GRM7: variants seen among roughly 807,000 people sequenced by gnomAD.
GRM7 encodes glutamate metabotropic receptor 7.
Under a neutral mutation model 84.5 loss-of-function variants are expected in GRM7, and 35 were observed. That is an observed-to-expected ratio of 0.41 (90% confidence interval 0.32 to 0.55). The LOEUF (loss-of-function observed/expected upper bound fraction) is 0.55. Ranked by LOEUF, GRM7 falls within the 20% of genes least tolerant of loss-of-function variation. The probability of loss-of-function intolerance (pLI) is 0.19; values close to 1 mark genes in which losing one functional copy is unlikely to be tolerated. For synonymous variants in GRM7, 487 were observed against 455.1 expected (o/e 1.07, Z -0.89); for missense variants, 1,003 against 1,194.6 (o/e 0.84, Z 2.36).
In GRM7 at chr3:7,439,098, A is replaced by G. The variant is rs539801420; in HGVS notation, c.1175-13509A>G. The stretch of plus-strand genomic sequence containing the variant: ...AAGGAGTGAGTGTGAGAAGGAAAAT[A>G]TGGATCCCAAACCCTGAGACTCATA... On this transcript the variant is annotated intron_variant, in intron 5 of 9. Transcript: ENST00000357716. 6.6e-5 allele frequency among the ~76,000 whole-genome samples: 10 copies of G among 152,288 alleles called. No homozygotes were observed. The South Asian group carries it at 2.1e-3, about 32-fold the overall frequency.
intron 7 of GRM7, among the ~76,000 whole-genome samples, chr3:7,481,670 T>C (rs1374502202): frequency 6.6e-6 from 1 of 152,178 alleles, no homozygotes; most frequent in African/African-American, 2.4e-5. Flanking sequence ...CATTTTATGA[T>C]AATTTGGGGG....
intron 1 of GRM7, among the ~76,000 whole-genome samples, chr3:7,025,342 T>G (rs936844601): frequency 1.3e-5 from 2 of 152,208 alleles, no homozygotes; most frequent in Non-Finnish European, 2.9e-5. Context: ...GAAGCATTAT[T>G]CTGTCCGCCA....
At chr3:7,586,828 T>C (rs80069257) in intron 8 of GRM7, among the ~76,000 whole-genome samples, 4,681 of 152,236 alleles carry the variant, frequency 0.031, 191 homozygotes, top group East Asian at 0.099. Context: ...CAATGGACCA[T>C]TGATGCATTG....
intron 9 of GRM7, among the ~76,000 whole-genome samples, chr3:7,716,103 A>T (rs1284300344): frequency 6.6e-6 from 1 of 152,168 alleles, no homozygotes; most frequent in Non-Finnish European, 1.5e-5. Flanking sequence ...AAAACCCAAC[A>T]TCTAATTCAA....
intron 9 of GRM7, among the ~76,000 whole-genome samples, chr3:7,713,119 G>GTTTT (rs1553640882): frequency 1.1e-4 from 6 of 55,636 alleles, no homozygotes; most frequent in Non-Finnish European, 1.1e-4. Flanking sequence ...TTCGAATTTT[G>GTTTT]TTTTGTTTTT....
intron 7 of GRM7, among the ~76,000 whole-genome samples, chr3:7,576,070 T>C (rs1396060910): frequency 6.6e-6 from 1 of 152,214 alleles, no homozygotes; most frequent in African/African-American, 2.4e-5. Flanking sequence ...GTATTTATTT[T>C]TGTTGTTGTT....
intron 7 of GRM7, among the ~76,000 whole-genome samples, chr3:7,578,189 C>G (rs749467639): frequency 6.6e-6 from 1 of 152,058 alleles, no homozygotes; most frequent in Non-Finnish European, 1.5e-5. Flanking sequence ...TGTATTGCCT[C>G]AGGGAATTCT....
intron 1 of GRM7, among the ~76,000 whole-genome samples, chr3:6,871,945 A>G (rs1405043695): frequency 6.6e-6 from 1 of 152,120 alleles, no homozygotes; most frequent in Non-Finnish European, 1.5e-5. Flanking sequence ...TCCCCAAACC[A>G]TTGAGGCATC....
chr3:7,345,065 A>G (rs1692828042), intron 4 of GRM7, among the ~76,000 whole-genome samples: 1 of 152,112 alleles, frequency 6.6e-6, no homozygotes, highest in South Asian at 2.1e-4. Flanking sequence ...AATTAAAACT[A>G]ATTTTTAAAT....
At chr3:7,683,894 G>A (rs748255066) in intron 9 of GRM7, among the ~76,000 whole-genome samples, 2 of 151,822 alleles carry the variant, frequency 1.3e-5, no homozygotes, top group Non-Finnish European at 2.9e-5. Context: ...ATTGGATATA[G>A]CTCCCAAAGT....
At chr3:6,927,463 G>GAGAGAGAA (rs1553595155) in intron 1 of GRM7, among the ~76,000 whole-genome samples, 2 of 93,300 alleles carry the variant, frequency 2.1e-5, no homozygotes, top group East Asian at 2.5e-4. Flanking sequence ...GAAAGAGAGA[G>GAGAGAGAA]AGAAAGAAAG....
chr3:7,357,169 T>C (rs1693446512), intron 4 of GRM7, among the ~76,000 whole-genome samples: 1 of 151,986 alleles, frequency 6.6e-6, no homozygotes, highest in Non-Finnish European at 1.5e-5. Context: ...ATAAAGGTTC[T>C]GTTTTCTAGC....
intron 4 of GRM7, among the ~76,000 whole-genome samples, chr3:7,323,860 T>C (rs1015426612): frequency 3.3e-5 from 5 of 152,194 alleles, no homozygotes; most frequent in Non-Finnish European, 2.9e-5. Flanking sequence ...AGAACTACTT[T>C]AGAGCTATAA....
chr3:7,101,194 G>T (rs1399210419), intron 1 of GRM7, among the ~76,000 whole-genome samples: 2 of 151,718 alleles, frequency 1.3e-5, no homozygotes, highest in African/African-American at 4.8e-5. Context: ...ATTCAAAATA[G>T]TTGTACCATT....
intron 4 of GRM7, among the ~76,000 whole-genome samples, chr3:7,333,230 G>A (rs1329694908): frequency 6.6e-6 from 1 of 152,144 alleles, no homozygotes; most frequent in Non-Finnish European, 1.5e-5. Context: ...TACACCCAAA[G>A]ACTCCCACAG....
chr3:7,355,840 C>T (rs1043598153), intron 4 of GRM7, among the ~76,000 whole-genome samples: 3 of 152,136 alleles, frequency 2.0e-5, no homozygotes, highest in African/African-American at 7.2e-5. Context: ...GTTGTCTTCT[C>T]TCTCCCAGTC....
At chr3:7,710,741 T>C (rs1481070782) in intron 9 of GRM7, among the ~76,000 whole-genome samples, 1 of 152,114 alleles carries the variant, frequency 6.6e-6, no homozygotes, top group Non-Finnish European at 1.5e-5. Context: ...TGACCCAAAC[T>C]CATCAGCACA....
intron 1 of GRM7, among the ~76,000 whole-genome samples, chr3:6,905,514 C>T (rs1223309571): frequency 1.3e-5 from 2 of 152,028 alleles, no homozygotes; most frequent in Admixed American, 1.3e-4. Flanking sequence ...AATGAATGAT[C>T]AAAACATCTA....
At chr3:6,908,842 T>G (rs2125014342) in intron 1 of GRM7, among the ~76,000 whole-genome samples, 1 of 152,270 alleles carries the variant, frequency 6.6e-6, no homozygotes, top group Non-Finnish European at 1.5e-5. Context: ...AGATTAAAGA[T>G]ATGTCTTGTG....
Sources: gnomAD v4.1 joint callset for allele counts (sites outside exome capture counted in the v4.1 genomes callset) on GRCh38, gnomAD v4.1.1 for gene constraint, MANE v1.5 for transcripts, NCBI Gene and HGNC (gene_info 2026-07-23, HGNC 2026-07-21) for gene names.